PCDH11X: variants seen among roughly 807,000 people sequenced by gnomAD.
PCDH11X encodes protocadherin 11 X-linked.
In PCDH11X, 18 loss-of-function variants were observed where a neutral mutation model predicts 53.3. The ratio of observed to expected loss-of-function variants is 0.34; its 90% CI spans 0.23 to 0.50. PCDH11X has a LOEUF of 0.50. Ranked by LOEUF, PCDH11X falls within the 20% of genes least tolerant of loss-of-function variation. The pLI is 0.98. For synonymous variants in PCDH11X, 279 were observed against 393.3 expected (o/e 0.71, Z 3.44); for missense variants, 570 against 1,032.4 (o/e 0.55, Z 6.14).
intron 1 of PCDH11X, among the ~76,000 whole-genome samples, chrX:91,788,631 T>TGC (rs947114837): frequency 4.4e-5 from 5 of 112,386 alleles, no homozygotes; most frequent in African/African-American, 1.6e-4. Flanking sequence ...AGGGCATATG[T>TGC]GCGTTTGTTA....
chrX:92,022,910 A>C (rs1288855998), intron 6 of PCDH11X, among the ~76,000 whole-genome samples: 4 of 109,879 alleles, frequency 3.6e-5, no homozygotes, highest in Non-Finnish European at 7.6e-5. Flanking sequence ...ACTGCTCCTG[A>C]ATGACTCCTG....
chrX:92,182,974 C>T (rs1269032902), intron 6 of PCDH11X, among the ~76,000 whole-genome samples: 2 of 111,348 alleles, frequency 1.8e-5, no homozygotes, highest in Non-Finnish European at 3.8e-5. Context: ...TACAAGCCTG[C>T]TCTTCTTGAG....
chrX:91,815,812 A>G (rs1415761210), intron 4 of PCDH11X, among the ~76,000 whole-genome samples: 1 of 109,189 alleles, frequency 9.2e-6, no homozygotes, highest in Admixed American at 9.9e-5. Flanking sequence ...AGGAATAAGT[A>G]AATGTAAATG....
Position 92,390,370 on chromosome X carries a change from C to CGTGTGTGT in PCDH11X, c.3343+2462_3343+2469dup, listed in dbSNP as rs60286215. On this transcript the variant is annotated intron_variant, in intron 9 of 10. Transcript: ENST00000682573. ...CGGTAGTGAAATGTTTAACATAGTA[C>CGTGTGTGT]GTGTGTGTGTGTGTGTGTGTGTGTG... is the stretch of plus-strand genomic sequence containing the variant. 1.5e-3 allele frequency among the ~76,000 whole-genome samples: 137 copies of CGTGTGTGT among 93,674 alleles called. 1 individual carries two copies. Among genetic ancestry groups the CGTGTGTGT allele is most frequent in the African/African-American group, 5.0e-3 (130 of 25,962 alleles). 81.3% of individuals were successfully genotyped at this position (93,674 alleles called of 115,157 possible). A position where few individuals can be genotyped will look rare whatever the true frequency, so the allele number is the denominator to read the frequency against.
intron 6 of PCDH11X, among the ~76,000 whole-genome samples, chrX:92,024,843 A>G (rs769493451): frequency 9.2e-6 from 1 of 108,847 alleles, no homozygotes; most frequent in East Asian, 2.9e-4. Context: ...GGAATAGAAT[A>G]GAGACCTCAG....
intron 10 of PCDH11X, among the ~76,000 whole-genome samples, chrX:92,570,580 G>A (rs1429853364): frequency 9.9e-6 from 1 of 100,859 alleles, no homozygotes; most frequent in Admixed American, 1.1e-4. Context: ...GGGTAGGAGG[G>A]AGAGAGAAGA....
chrX:92,493,204 G>T (rs759292357), intron 10 of PCDH11X, among the ~76,000 whole-genome samples: 31 of 111,057 alleles, frequency 2.8e-4, no homozygotes, highest in African/African-American at 9.8e-4. Context: ...AGTTCAGTGA[G>T]ATAATTTACT....
At chrX:91,818,438 G>A (rs778680011) in intron 4 of PCDH11X, among the ~76,000 whole-genome samples, 134 of 110,519 alleles carry the variant, frequency 1.2e-3, no homozygotes, top group African/African-American at 4.1e-3. Context: ...GATGGCTCAC[G>A]CCTGTAATCC....
chrX:92,251,163 T>C (rs1258429654), intron 7 of PCDH11X, among the ~76,000 whole-genome samples: 2 of 110,776 alleles, frequency 1.8e-5, no homozygotes, highest in Admixed American at 1.9e-4. Flanking sequence ...ATTGTACACA[T>C]TATAGAACTA....
chrX:92,163,293 C>T (rs1361530516), intron 6 of PCDH11X, among the ~76,000 whole-genome samples: 2 of 109,673 alleles, frequency 1.8e-5, no homozygotes, highest in Admixed American at 2.0e-4. Flanking sequence ...ATGGCTTTTG[C>T]GCCTCCCCAC....
chrX:92,301,169 C>T (rs1011231435), intron 8 of PCDH11X, among the ~76,000 whole-genome samples: 3 of 111,227 alleles, frequency 2.7e-5, no homozygotes, highest in Non-Finnish European at 3.8e-5. Context: ...CTCCGACAGT[C>T]AGGTGTGGTC....
At chrX:91,791,857 ATT>A (rs755996100) in intron 1 of PCDH11X, among the ~76,000 whole-genome samples, 4,134 of 82,915 alleles carry the variant, frequency 0.05, 363 homozygotes, top group African/African-American at 0.18. Flanking sequence ...CGATCAGTAC[ATT>A]TTTTTTTTTT....
chrX:91,825,057 G>T (rs1287744548), intron 4 of PCDH11X, among the ~76,000 whole-genome samples: 1 of 111,172 alleles, frequency 9.0e-6, no homozygotes, highest in Non-Finnish European at 1.9e-5. Flanking sequence ...TGCATACTGG[G>T]AGAACCACTG....
chrX:91,841,357 T>C (rs1327851779), intron 5 of PCDH11X, among the ~76,000 whole-genome samples: 1 of 111,646 alleles, frequency 9.0e-6, no homozygotes, highest in Non-Finnish European at 1.9e-5. Flanking sequence ...TTGGACATCG[T>C]AAATAGTTCA....
At chrX:92,221,841 ATT>A (rs35858406) in intron 7 of PCDH11X, among the ~76,000 whole-genome samples, 9 of 104,959 alleles carry the variant, frequency 8.6e-5, no homozygotes, top group South Asian at 4.2e-4. Context: ...TCTTAAATAG[ATT>A]TTTTTTTTTT....
chrX:92,485,114 AATTACT>A (rs71984670), intron 10 of PCDH11X, among the ~76,000 whole-genome samples: 15,848 of 110,051 alleles, frequency 0.14, 1,072 homozygotes, highest in East Asian at 0.48. Flanking sequence ...TTATTTCAAT[AATTACT>A]ATTGTAGCAA....
At chrX:92,240,282 C>T (rs35820300) in intron 7 of PCDH11X, among the ~76,000 whole-genome samples, 19,961 of 111,050 alleles carry the variant, frequency 0.18, 1,773 homozygotes, top group Middle Eastern at 0.31. Flanking sequence ...TGTCTAGAAG[C>T]CACCTGCAGT....
Position 92,499,142 on chromosome X carries a change from A to G in PCDH11X, c.3367+30820A>G, listed in dbSNP as rs186450320. Reference sequence around the variant, plus strand: ...TTCTTTTCATATTTTGTTTCTTTCTATTAAAGTCAAAATCATTTCAATAAA... The same window carrying G: ...TTCTTTTCATATTTTGTTTCTTTCTGTTAAAGTCAAAATCATTTCAATAAA... On this transcript the variant is annotated intron_variant, in intron 10 of 10. Coordinates refer to ENST00000682573, the MANE Select transcript of PCDH11X (RefSeq NM_032968.5). 4.6e-3 allele frequency among the ~76,000 whole-genome samples: 498 copies of G among 108,679 alleles called. 2 individuals are homozygous for G. The highest frequency in any genetic ancestry group is 0.014 in the African/African-American group (436 of 30,125). 94.4% of individuals were successfully genotyped at this position (108,679 alleles called of 115,157 possible). A position where few individuals can be genotyped will look rare whatever the true frequency, so the allele number is the denominator to read the frequency against.
At chrX:92,599,504 G>C (rs1325325050) in intron 10 of PCDH11X, among the ~76,000 whole-genome samples, 1 of 112,186 alleles carries the variant, frequency 8.9e-6, no homozygotes, top group Non-Finnish European at 1.9e-5. Flanking sequence ...ATGCTCTCTT[G>C]CCTGCCGCCA....
Sources: gnomAD v4.1 joint callset for allele counts (sites outside exome capture counted in the v4.1 genomes callset) on GRCh38, gnomAD v4.1.1 for gene constraint, MANE v1.5 for transcripts, NCBI Gene and HGNC (gene_info 2026-07-23, HGNC 2026-07-21) for gene names.